STAU2: variants seen among roughly 807,000 people sequenced by gnomAD.
STAU2 encodes double-stranded RNA-binding protein Staufen homolog 2.
STAU2 carries 20 observed loss-of-function variants against 65.9 expected under a neutral mutation model. That is an observed-to-expected ratio of 0.30 (90% CI 0.21 to 0.44). The LOEUF (loss-of-function observed/expected upper bound fraction) is 0.44. Among genes scored for constraint, STAU2 ranks in the 20% least tolerant of loss-of-function variants. The probability of loss-of-function intolerance (pLI) is 1.00; values close to 1 mark genes in which losing one functional copy is unlikely to be tolerated. For missense variants in STAU2, 558 were observed against 683.9 expected (o/e 0.82, Z 2.05); for synonymous variants, 232 against 233.9 (o/e 0.99, Z 0.07).
intron 8 of STAU2, among the ~76,000 whole-genome samples, chr8:73,615,462 G>A (rs537188481): frequency 6.6e-6 from 1 of 151,904 alleles, no homozygotes; most frequent in South Asian, 2.1e-4. Flanking sequence ...TATACAAAAG[G>A]CTTAATACAG....
At chr8:73,673,383 C>A in intron 5 of STAU2, 141 bp from the exon 6 acceptor site, 3 of 871,546 alleles carry the variant, frequency 3.4e-6, no homozygotes, top group Non-Finnish European at 4.6e-6. Context: ...TAAGGAACTG[C>A]GAAAACAAAG....
At chr8:73,533,365 GC>G (rs1805953933) in intron 13 of STAU2, among the ~76,000 whole-genome samples, 1 of 152,052 alleles carries the variant, frequency 6.6e-6, no homozygotes, top group Admixed American at 6.6e-5. Context: ...TTTGAAATTT[GC>G]AAATCTATAA....
chr8:73,474,742 C>T (rs958919063), intron 13 of STAU2, among the ~76,000 whole-genome samples: 1 of 152,092 alleles, frequency 6.6e-6, no homozygotes, highest in South Asian at 2.1e-4. Flanking sequence ...TTCCAACAGA[C>T]AAGTAGCCTA....
In STAU2 at chr8:73,483,064, C is replaced by T. The variant is rs923964722; in HGVS notation, c.1531-60362G>A. ...AAGCCCCATACACATCAGTGGTCAGCAAAGAATGTGCAAGCCTATCACAGA... is the reference window on the plus strand; with the variant it reads ...AAGCCCCATACACATCAGTGGTCAGTAAAGAATGTGCAAGCCTATCACAGA... On this transcript the variant is annotated intron_variant, in intron 13 of 14. Transcript: ENST00000524300. Among the ~76,000 whole-genome samples, 19 of 150,234 alleles carry T rather than the reference C, an allele frequency of 1.3e-4. 1 individual carries two copies. Among genetic ancestry groups the T allele is most frequent in the African/African-American group, 4.6e-4 (19 of 41,004 alleles).
At chr8:73,503,455 C>G (rs1821874282) in intron 13 of STAU2, among the ~76,000 whole-genome samples, 1 of 151,894 alleles carries the variant, frequency 6.6e-6, no homozygotes, top group Non-Finnish European at 1.5e-5. Flanking sequence ...AATAGGGTTT[C>G]TTTTCATGGA....
chr8:73,509,682 T>C (rs1273395318), intron 13 of STAU2, among the ~76,000 whole-genome samples: 1 of 152,116 alleles, frequency 6.6e-6, no homozygotes, highest in African/African-American at 2.4e-5. Context: ...AAGAGAAAGA[T>C]ACTGAAAAGA....
intron 9 of STAU2, among the ~76,000 whole-genome samples, chr8:73,611,212 A>G (rs1467268112): frequency 6.6e-6 from 1 of 152,212 alleles, no homozygotes; most frequent in Non-Finnish European, 1.5e-5. Context: ...ATAAGGTATG[A>G]ACATACTTAA....
At chr8:73,575,081 G>T (rs192013637) in intron 12 of STAU2, among the ~76,000 whole-genome samples, 42 of 142,462 alleles carry the variant, frequency 2.9e-4, no homozygotes, top group Admixed American at 2.5e-3. Flanking sequence ...AAACAGAGAA[G>T]AATTTTCATG....
chr8:73,540,511 T>C (rs767020222), intron 13 of STAU2, among the ~76,000 whole-genome samples: 19 of 152,236 alleles, frequency 1.2e-4, no homozygotes, highest in Non-Finnish European at 1.5e-5. Flanking sequence ...TAACCAATTA[T>C]GTAATGAATA....
rs1483947415 is a variant in STAU2 at position 73,627,228 on chromosome 8, G to C, written c.411-9777C>G. Among the ~76,000 whole-genome samples the C allele has an allele frequency of 1.2e-4, 9 of 73,792 alleles. 2 individuals are homozygous for C. The highest frequency in any genetic ancestry group is 4.2e-4 in the African/African-American group (9 of 21,272). The allele number at this position is 73,792 out of a possible 152,430, so 48.4% of individuals were successfully genotyped here. A position where few individuals can be genotyped will look rare whatever the true frequency, so the allele number is the denominator to read the frequency against. On this transcript the variant is annotated intron_variant, in intron 6 of 14. Transcript: ENST00000524300. ...TACGGCGGGGGGGGGGGGGGAGGGG[G>C]GGGCAGGAGGGCGGGTTCCCTGGAG...
At chr8:73,567,422 A>G (rs1184549507) in intron 12 of STAU2, among the ~76,000 whole-genome samples, 1 of 152,084 alleles carries the variant, frequency 6.6e-6, no homozygotes, top group Non-Finnish European at 1.5e-5. Flanking sequence ...CAGAAGAATC[A>G]CTTGAATCCG....
intron 13 of STAU2, among the ~76,000 whole-genome samples, chr8:73,473,552 C>T (rs1019196548): frequency 1.3e-5 from 2 of 152,116 alleles, no homozygotes; most frequent in African/African-American, 2.4e-5. Context: ...TATGGATATG[C>T]GATGAAGCCA....
At chr8:73,724,471 G>T (rs763530030) in intron 3 of STAU2, among the ~76,000 whole-genome samples, 1 of 151,990 alleles carries the variant, frequency 6.6e-6, no homozygotes, top group Non-Finnish European at 1.5e-5. Context: ...AAACCATACT[G>T]AAGTACCTAT....
At chr8:73,490,154 C>G (rs566028499) in intron 13 of STAU2, among the ~76,000 whole-genome samples, 13 of 152,066 alleles carry the variant, frequency 8.5e-5, no homozygotes, top group African/African-American at 3.1e-4. Flanking sequence ...TCTCAGAGGC[C>G]TTGGTTTAAG....
chr8:73,486,657 ATT>A (rs10616687), intron 13 of STAU2, among the ~76,000 whole-genome samples: 54,997 of 135,972 alleles, frequency 0.4, 11,771 homozygotes, highest in Non-Finnish European at 0.49. Flanking sequence ...ATATATATAT[ATT>A]TTTTTTTTTT....
chr8:73,462,096 T>G (rs1050563133), intron 13 of STAU2, among the ~76,000 whole-genome samples: 3 of 152,156 alleles, frequency 2.0e-5, no homozygotes, highest in African/African-American at 7.2e-5. Flanking sequence ...TTTGTTTTTT[T>G]GAGGCAGAGT....
At chr8:73,585,412 G>A (rs1023863837) in intron 11 of STAU2, among the ~76,000 whole-genome samples, 11 of 152,188 alleles carry the variant, frequency 7.2e-5, no homozygotes, top group East Asian at 1.9e-4. Context: ...CCCGGGAGGC[G>A]GAGGTTGCAG....
intron 13 of STAU2, among the ~76,000 whole-genome samples, chr8:73,526,211 T>C (rs1805445490): frequency 6.6e-6 from 1 of 152,144 alleles, no homozygotes; most frequent in Non-Finnish European, 1.5e-5. Context: ...ACTCCTTCAT[T>C]TAACATAACC....
intron 4 of STAU2, among the ~76,000 whole-genome samples, chr8:73,692,409 G>A (rs1056217364): frequency 6.6e-6 from 1 of 151,968 alleles, no homozygotes; most frequent in Admixed American, 6.5e-5. Flanking sequence ...TGTTGGCCAG[G>A]CTGGTCTCGA....
Sources: gnomAD v4.1 joint callset for allele counts (sites outside exome capture counted in the v4.1 genomes callset) on GRCh38, gnomAD v4.1.1 for gene constraint, MANE v1.5 for transcripts, NCBI Gene and HGNC (gene_info 2026-07-23, HGNC 2026-07-21) for gene names.